GIPC3: variants seen among roughly 807,000 people sequenced by gnomAD.
GIPC3 encodes PDZ domain-containing protein GIPC3.
Under a neutral mutation model 27.3 loss-of-function variants are expected in GIPC3, and 16 were observed. That is an observed-to-expected ratio of 0.59 (90% confidence interval 0.40 to 0.89). The LOEUF (loss-of-function observed/expected upper bound fraction) is 0.89, where lower values mean the gene tolerates loss of function less well. Ranked by LOEUF, GIPC3 falls within the 40% of genes least tolerant of loss-of-function variation. GIPC3 has a pLI of 0.00. For synonymous variants in GIPC3, 194 were observed against 184.6 expected, an observed-to-expected ratio of 1.05 and a Z score of -0.41; for missense variants, 440 against 442.1, an observed-to-expected ratio of 1.00 and a Z score of 0.04.
At position 3,590,478 on chromosome 19, in the gene GIPC3, C is replaced by A; in HGVS notation, c.*288C>A. On this transcript the variant is annotated 3_prime_UTR_variant, in exon 6 of 6. Coordinates refer to ENST00000644452, the MANE Select transcript of GIPC3 (RefSeq NM_133261.3). ...TGAGACCAAGCCCAGCTCTAGAACT[C>A]AGATGAGCTTTGAGACCATGCCCAG... is the stretch of plus-strand genomic sequence containing the variant. 1 of 1,418,750 alleles carries A rather than the reference C, an allele frequency of 7.0e-7. No individual in the cohort carries two copies. Among genetic ancestry groups the A allele is most frequent in the Non-Finnish European group, 9.2e-7 (1 of 1,091,624 alleles). 87.9% of individuals were successfully genotyped at this position (1,418,750 alleles called of 1,614,324 possible).
chr19:3,591,106 C>T lies in GIPC3; in HGVS notation c.*916C>T, dbSNP rs2145276872. 8.1e-7 allele frequency: 1 copy of T among 1,233,402 alleles called. No homozygotes were observed. Among genetic ancestry groups the T allele is most frequent in the Non-Finnish European group, 1.0e-6 (1 of 988,942 alleles). 76.4% of individuals were successfully genotyped at this position (1,233,402 alleles called of 1,614,324 possible). On this transcript the variant is annotated 3_prime_UTR_variant, in exon 6 of 6. Transcript: ENST00000644452. ...TCTGAAGCCAAGCCCAGCTCTAGAA[C>T]TCAGGTCAGCCCTGAGACCAAGCCC...
chr19:3,586,095 C>T (rs758244095), intron 1 of GIPC3, among the ~76,000 whole-genome samples: 1 of 152,182 alleles, frequency 6.6e-6, no homozygotes, highest in Non-Finnish European at 1.5e-5. Flanking sequence ...TAGCTTGGAG[C>T]GGACCCCAGC....
In GIPC3 at chr19:3,590,115, C is replaced by T. The variant is rs759423626; in HGVS notation, c.864C>T (p.Gly288=). ...CACGCTGTTTAGACTCCGTCTTGGG[C>T]GAGTTCGCCTTCCCCGACGAGTTTG... ...EFARCLDSVL[G]EFAFPDEFVV... The change falls in exon 6 of 6, where the codon GGC becomes GGT. Residue 288 remains glycine, a synonymous_variant. Coordinates refer to ENST00000644452, the MANE Select transcript of GIPC3 (RefSeq NM_133261.3). The T allele has an allele frequency of 1.2e-5, 20 of 1,610,918 alleles. No individual in the cohort carries two copies. Among genetic ancestry groups the T allele is most frequent in the East Asian group, 2.2e-5 (1 of 44,808 alleles).
intron 3 of GIPC3, among the ~76,000 whole-genome samples, chr19:3,587,598 A>G (rs2145270915): frequency 6.6e-6 from 1 of 152,038 alleles, no homozygotes; most frequent in Non-Finnish European, 1.5e-5. Flanking sequence ...CTTTTAAAGC[A>G]GTGCTTTGAG....
chr19:3,586,603 G>A lies in GIPC3; in HGVS notation c.334G>A (p.Glu112Lys). The change falls in exon 2 of 6, where the codon GAG (glutamate) becomes AAG (lysine). Residue 112 changes from glutamate (E) to lysine (K), a missense_variant. By Grantham distance (56) the Glu-to-Lys change is moderately conservative (BLOSUM62 1). Transcript: ENST00000644452. ...TGCCCACGTGCGAGGCGAGACCAAG[G>A]AGGTGGAGGTCACTAAGACAGAGGA... ...IFAHVRGETK[E>K]VEVTKTEDAL... 2 of 1,613,734 alleles carry A rather than the reference G, an allele frequency of 1.2e-6. No individual in the cohort carries two copies. Among genetic ancestry groups the A allele is most frequent in the Non-Finnish European group, 1.7e-6 (2 of 1,179,928 alleles).
intron 4 of GIPC3, 84 bp downstream of exon 4, chr19:3,589,639 T>A: frequency 7.8e-7 from 1 of 1,274,268 alleles, no homozygotes; most frequent in East Asian, 2.3e-5. Context: ...TAAGAACTTC[T>A]CCTCGGAGCC....
At chr19:3,588,087 C>T (rs1335212780) in intron 3 of GIPC3, among the ~76,000 whole-genome samples, 1 of 151,334 alleles carries the variant, frequency 6.6e-6, no homozygotes, top group Non-Finnish European at 1.5e-5. Context: ...TCACCACAAC[C>T]TCTGCCTCCC....
Position 3,593,457 on chromosome 19 carries a change from T to C in GIPC3, c.*3267T>C, listed in dbSNP as rs780494747. 2.2e-5 allele frequency: 12 copies of C among 542,620 alleles called. No homozygotes were observed. Among genetic ancestry groups the C allele is most frequent in the Non-Finnish European group, 3.3e-5 (12 of 358,802 alleles). 33.6% of individuals were successfully genotyped at this position (542,620 alleles called of 1,614,324 possible). The stretch of plus-strand genomic sequence containing the variant: ...CGGTCCTGGCTCAGATCCAGGTCCT[T>C]GGAGGGAAAAGGAGGGCAGGAGACG... On this transcript the variant is annotated 3_prime_UTR_variant, in exon 6 of 6. Coordinates refer to ENST00000644452, the MANE Select transcript of GIPC3 (RefSeq NM_133261.3).
chr19:3,585,706 C>T lies in GIPC3; in HGVS notation c.109C>T (p.Leu37Phe). The change falls in exon 1 of 6, where the codon CTC becomes TTC. Residue 37 changes from leucine (L) to phenylalanine (F), a missense_variant. Transcript: ENST00000644452. ...PPAAPRARPR[L>F]VFRTQLAHGS... ...GGCCGCGCCCCGCGCCCGCCCGCGC[C>T]TCGTCTTCCGCACGCAGCTGGCGCA... is the stretch of plus-strand genomic sequence containing the variant. The T allele has an allele frequency of 6.9e-7, 1 of 1,459,652 alleles. No homozygotes were observed. Among genetic ancestry groups the T allele is most frequent in the Non-Finnish European group, 9.1e-7 (1 of 1,099,388 alleles). The allele number at this position is 1,459,652 out of a possible 1,614,324, so 90.4% of individuals were successfully genotyped here.
intron 4 of GIPC3, 107 bp downstream of exon 4, chr19:3,589,662 C>T (rs1218618271): frequency 8.7e-7 from 1 of 1,153,604 alleles, no homozygotes; most frequent in East Asian, 2.4e-5. Context: ...AGTTTCTCTG[C>T]CTGCAAAATG....
At chr19:3,585,953 C>A in intron 1 of GIPC3, 131 bp downstream of exon 1, 1 of 1,421,626 alleles carries the variant, frequency 7.0e-7, no homozygotes. Context: ...ATCGCCGGAT[C>A]TCAGAGACCC....
At chr19:3,587,979 G>A (rs148500211) in intron 3 of GIPC3, among the ~76,000 whole-genome samples, 16,939 of 151,962 alleles carry the variant, frequency 0.11, 1,008 homozygotes, top group African/African-American at 0.15. Flanking sequence ...GTGAGCCACC[G>A]CGCCTGGCCG....
rs774440451 is a variant in GIPC3, at chr19:3,590,164, G to A, written c.913G>A (p.Gly305Ser). 70 of 1,606,544 alleles carry A rather than the reference G, an allele frequency of 4.4e-5. No homozygotes were observed. The highest frequency in any genetic ancestry group is 3.0e-4 in the South Asian group (27 of 89,744). Residue 305 changes from glycine (G) to serine (S), a missense_variant, in exon 6 of 6, where the codon GGC (glycine) becomes AGC (serine). By Grantham distance (56) the Gly-to-Ser change is moderately conservative. Coordinates refer to ENST00000644452, the MANE Select transcript of GIPC3 (RefSeq NM_133261.3). ...EFVVEVWAAI[G>S]EAREACG ...TGTGGTGGAAGTGTGGGCCGCCATC[G>A]GCGAGGCCAGAGAGGCCTGTGGCTA...
At position 3,589,476 on chromosome 19, in the gene GIPC3, G is replaced by A. The variant is rs374129877; in HGVS notation, c.626G>A (p.Cys209Tyr). Residue 209 changes from cysteine (C) to tyrosine (Y), a missense_variant, in exon 4 of 6, where the codon TGT (cysteine) becomes TAT (tyrosine). Coordinates refer to ENST00000644452, the MANE Select transcript of GIPC3 (RefSeq NM_133261.3). ...GGCCAGAGAAGTCGGTCCAGCAAAT[G>A]TCCAGTAGAGGCGAAAGTGACCAGC... Reference protein sequence around the residue: ...MIGQRSRSSKCPVEAKVTSGR... With the variant: ...MIGQRSRSSKYPVEAKVTSGR... The A allele has an allele frequency of 1.0e-4, 167 of 1,613,926 alleles. 1 individual carries two copies. Among genetic ancestry groups the A allele is most frequent in the Admixed American group, 1.5e-4 (9 of 59,986 alleles).
chr19:3,592,195 GC>G lies in GIPC3; in HGVS notation c.*2008del. On this transcript the variant is annotated 3_prime_UTR_variant, in exon 6 of 6. Transcript: ENST00000644452. Reference sequence around the variant, plus strand: ...AGGTCCAGCTCCAGGACCCAGCGCTGCCCAGGAGCTCGACCAGCCTCTGGGA... The same window carrying G: ...AGGTCCAGCTCCAGGACCCAGCGCTGCCAGGAGCTCGACCAGCCTCTGGGA... 8.1e-7 allele frequency: 1 copy of G among 1,232,090 alleles called. No individual in the cohort carries two copies. The highest frequency in any genetic ancestry group is 1.5e-5 in the African/African-American group (1 of 64,530). 76.3% of individuals were successfully genotyped at this position (1,232,090 alleles called of 1,614,324 possible).
Position 3,586,483 on chromosome 19 carries a change from T to TC in GIPC3, c.226-7dup, listed in dbSNP as rs1295359359. 1 of 1,612,350 alleles carries TC rather than the reference T, an allele frequency of 6.2e-7. No homozygotes were observed. The highest frequency in any genetic ancestry group is 2.2e-5 in the East Asian group (1 of 44,858). On this transcript the variant is annotated splice_polypyrimidine_tract_variant and intron_variant, in intron 1 of 5. Coordinates refer to ENST00000644452, the MANE Select transcript of GIPC3 (RefSeq NM_133261.3). The stretch of plus-strand genomic sequence containing the variant: ...GCCCTGGCTAACTCTAGGCTCCTTC[T>TC]CCCCCGGGAAGATTTTATTCTGCAC...
In GIPC3 at chr19:3,586,493, A is replaced by C; in HGVS notation, c.226-2A>C. The C allele has an allele frequency of 6.2e-7, 1 of 1,613,242 alleles. No homozygotes were observed. Among genetic ancestry groups the C allele is most frequent in the Non-Finnish European group, 8.5e-7 (1 of 1,179,804 alleles). ...ACTCTAGGCTCCTTCTCCCCCGGGA[A>C]GATTTTATTCTGCACCCTCAACAGC... On this transcript the variant is annotated splice_acceptor_variant, in intron 1 of 5. Transcript: ENST00000644452. LOFTEE classifies it high-confidence loss of function.
chr19:3,591,600 T>TATTCAAGAACTCAGACCAGCTCA lies in GIPC3; in HGVS notation c.*1411_*1433dup. The TATTCAAGAACTCAGACCAGCTCA allele has an allele frequency of 4.1e-6, 5 of 1,232,398 alleles. No homozygotes were observed. The South Asian group carries it at 1.6e-4, about 40-fold the overall frequency. The allele number at this position is 1,232,398 out of a possible 1,614,324, so 76.3% of individuals were successfully genotyped here. On this transcript the variant is annotated 3_prime_UTR_variant, in exon 6 of 6. Transcript: ENST00000644452. Reference sequence around the variant, plus strand: ...CAGAGACAGCTCCCAAATCAAATCCTATTCAAGAACTCAGACCAGCTCAGA... The same window carrying TATTCAAGAACTCAGACCAGCTCA: ...CAGAGACAGCTCCCAAATCAAATCCTATTCAAGAACTCAGACCAGCTCAATTCAAGAACTCAGACCAGCTCAGA...
In GIPC3 at chr19:3,591,935, C is replaced by T. The variant is rs1465625910; in HGVS notation, c.*1745C>T. 2 of 1,232,272 alleles carry T rather than the reference C, an allele frequency of 1.6e-6. No homozygotes were observed. The highest frequency in any genetic ancestry group is 3.2e-5 in the East Asian group (1 of 31,728). 76.3% of individuals were successfully genotyped at this position (1,232,272 alleles called of 1,614,324 possible). ...CCAGGACCCAGACCAATTTCAAGGCCTGGCCAAGCTCCAGAGCTCAATCCA... is the reference window on the plus strand; with the variant it reads ...CCAGGACCCAGACCAATTTCAAGGCTTGGCCAAGCTCCAGAGCTCAATCCA... On this transcript the variant is annotated 3_prime_UTR_variant, in exon 6 of 6. Coordinates refer to ENST00000644452, the MANE Select transcript of GIPC3 (RefSeq NM_133261.3).
Sources: allele counts gnomAD v4.1 joint callset (sites outside exome capture counted in the v4.1 genomes callset), GRCh38; gene constraint gnomAD v4.1.1; transcripts MANE v1.5; gene names NCBI Gene and HGNC (gene_info 2026-07-23, HGNC 2026-07-21).